GPHN: variants seen among roughly 807,000 people sequenced by gnomAD.
GPHN encodes gephyrin.
In GPHN, 17 loss-of-function variants were observed where a neutral mutation model predicts 95.5. The observed-to-expected ratio is 0.18, with a 90% CI of 0.12 to 0.27. The LOEUF is 0.27. Among genes scored for constraint, GPHN ranks in the 10% least tolerant of loss-of-function variants. GPHN has a pLI of 1.00. For synonymous variants in GPHN, 320 were observed against 322.5 expected (o/e 0.99, Z 0.08); for missense variants, 660 against 978.1 (o/e 0.67, Z 4.34).
intron 8 of GPHN, among the ~76,000 whole-genome samples, chr14:66,951,945 CTA>C (rs1233408761): frequency 6.6e-6 from 1 of 151,778 alleles, no homozygotes; most frequent in African/African-American, 2.4e-5. Context: ...AAGGAGGAAA[CTA>C]TAAAGCTTTT....
chr14:66,984,463 C>T (rs971905614), intron 9 of GPHN, among the ~76,000 whole-genome samples: 1 of 152,128 alleles, frequency 6.6e-6, no homozygotes, highest in African/African-American at 2.4e-5. Context: ...ATTAGTAAAA[C>T]TTGTTTATAT....
chr14:67,680,555 C>G, the GPHN span, among the ~76,000 whole-genome samples: 4 of 152,168 alleles, frequency 2.6e-5, no homozygotes, highest in Admixed American at 6.5e-5. Flanking sequence ...CCTCCCCAGG[C>G]TCAGGTGATC....
At chr14:66,568,155 G>C (rs2060537443) in intron 1 of GPHN, among the ~76,000 whole-genome samples, 1 of 152,078 alleles carries the variant, frequency 6.6e-6, no homozygotes, top group Non-Finnish European at 1.5e-5. Flanking sequence ...TTCATTAGTG[G>C]TGTTATTAGA....
chr14:66,561,575 C>T (rs1386526074), intron 1 of GPHN, among the ~76,000 whole-genome samples: 2 of 151,948 alleles, frequency 1.3e-5, no homozygotes, highest in African/African-American at 4.8e-5. Context: ...AAATAGGGTA[C>T]CCAGGTTTAC....
At chr14:66,952,778 T>G (rs1315207935) in intron 8 of GPHN, among the ~76,000 whole-genome samples, 1 of 152,148 alleles carries the variant, frequency 6.6e-6, no homozygotes, top group Non-Finnish European at 1.5e-5. Context: ...CACTGCAACC[T>G]CAGCCTCCCG....
chr14:67,643,172 C>T, the GPHN span, among the ~76,000 whole-genome samples: 1 of 152,176 alleles, frequency 6.6e-6, no homozygotes, highest in Non-Finnish European at 1.5e-5. Context: ...GATCCTGTCT[C>T]CTCCTGAATC....
At chr14:67,469,550 T>G in the GPHN span, among the ~76,000 whole-genome samples, 1 of 147,362 alleles carries the variant, frequency 6.8e-6, no homozygotes, top group East Asian at 2.0e-4. Flanking sequence ...CCTCTCAAAG[T>G]GCTGGGTTTA....
chr14:66,879,035 G>A (rs1208062186), intron 4 of GPHN, among the ~76,000 whole-genome samples: 1 of 152,012 alleles, frequency 6.6e-6, no homozygotes, highest in African/African-American at 2.4e-5. Flanking sequence ...CCATAAAAAA[G>A]GATGAGTTTA....
intron 9 of GPHN, among the ~76,000 whole-genome samples, chr14:67,000,069 GT>G (rs1231868826): frequency 6.6e-6 from 1 of 151,724 alleles, no homozygotes; most frequent in East Asian, 1.9e-4. Flanking sequence ...TGAAAATTGT[GT>G]TTTTATTTAA....
intron 1 of GPHN, among the ~76,000 whole-genome samples, chr14:66,622,323 G>T (rs1462678333): frequency 1.3e-5 from 2 of 152,058 alleles, no homozygotes; most frequent in Non-Finnish European, 2.9e-5. Context: ...GGGACCCTTG[G>T]CCCGGCCCAC....
the GPHN span, chr14:67,352,798 TATA>T: frequency 1.5e-6 from 1 of 659,692 alleles, no homozygotes; most frequent in Admixed American, 2.7e-5. Context: ...TTGTTAAACT[TATA>T]ATGGTATTTT....
the GPHN span, among the ~76,000 whole-genome samples, chr14:67,379,487 T>C: frequency 4.0e-3 from 614 of 152,242 alleles, 17 homozygotes; most frequent in East Asian, 0.058. Context: ...TTGTTTCTTA[T>C]ACATTTATGT....
At chr14:67,724,579 C>A in the GPHN span, 1 of 1,612,814 alleles carries the variant, frequency 6.2e-7, no homozygotes, top group Non-Finnish European at 8.5e-7. Context: ...GGCCAGAGAG[C>A]TCGCTAGCCG....
chr14:66,883,998 T>C (rs1158634926), intron 5 of GPHN, among the ~76,000 whole-genome samples: 1 of 152,044 alleles, frequency 6.6e-6, no homozygotes, highest in Non-Finnish European at 1.5e-5. Context: ...TCCCAGTTAC[T>C]CTGGCCAGAA....
the GPHN span, chr14:67,735,280 G>T: frequency 3.2e-6 from 3 of 939,470 alleles, no homozygotes; most frequent in Non-Finnish European, 5.3e-6. Context: ...GAATCGCCTC[G>T]TGCTCAGGCT....
the GPHN span, chr14:67,204,883 G>GA: frequency 1.8e-5 from 29 of 1,613,800 alleles, no homozygotes; most frequent in Non-Finnish European, 2.2e-5. Context: ...AGATTTCCCA[G>GA]AATTCACAGA....
intron 11 of GPHN, among the ~76,000 whole-genome samples, chr14:67,078,638 C>G (rs951218820): frequency 6.6e-6 from 1 of 152,112 alleles, no homozygotes; most frequent in East Asian, 1.9e-4. Flanking sequence ...ATTATATTCT[C>G]TTTACATTCC....
At chr14:66,517,912 A>C (rs1433034211) in intron 1 of GPHN, among the ~76,000 whole-genome samples, 1 of 152,126 alleles carries the variant, frequency 6.6e-6, no homozygotes, top group African/African-American at 2.4e-5. Context: ...CCTCAAAAGC[A>C]CAGGCAAAAA....
At chr14:67,132,824 C>T (rs937528029) in intron 17 of GPHN, among the ~76,000 whole-genome samples, 1 of 151,318 alleles carries the variant, frequency 6.6e-6, no homozygotes, top group Admixed American at 6.6e-5. Context: ...TCATTCTATC[C>T]CATTTACCCT....
Sources: allele counts gnomAD v4.1 joint callset (sites outside exome capture counted in the v4.1 genomes callset), GRCh38; gene constraint gnomAD v4.1.1; transcripts MANE v1.5; gene names NCBI Gene and HGNC (gene_info 2026-07-23, HGNC 2026-07-21).